The following CAB39L variants were observed in gnomAD, a reference collection of about 807,000 sequenced individuals.
CAB39L encodes calcium-binding protein 39-like.
Under a neutral mutation model 39.1 loss-of-function variants are expected in CAB39L, and 23 were observed. The observed-to-expected ratio is 0.59, with a 90% confidence interval of 0.42 to 0.83. The LOEUF (loss-of-function observed/expected upper bound fraction) is 0.83, where lower values mean the gene tolerates loss of function less well. Among genes scored for constraint, CAB39L ranks in the 40% least tolerant of loss-of-function variants. The pLI is 0.00. For synonymous variants in CAB39L, 126 were observed against 137.2 expected (o/e 0.92, Z 0.57); for missense variants, 366 against 391.9 (o/e 0.93, Z 0.56).
At chr13:49,423,376 A>T (rs1209397660) in intron 3 of CAB39L, among the ~76,000 whole-genome samples, 1 of 152,184 alleles carries the variant, frequency 6.6e-6, no homozygotes, top group Non-Finnish European at 1.5e-5. Flanking sequence ...CTGGAAGCCT[A>T]ACTCTAGTGA....
At chr13:49,352,299 A>G (rs940602586) in intron 6 of CAB39L, among the ~76,000 whole-genome samples, 1 of 152,140 alleles carries the variant, frequency 6.6e-6, no homozygotes, top group Non-Finnish European at 1.5e-5. Context: ...CCAGTGTGTG[A>G]TAAGATTTCA....
intron 3 of CAB39L, among the ~76,000 whole-genome samples, chr13:49,390,066 A>T (rs551060892): frequency 6.6e-6 from 1 of 151,914 alleles, no homozygotes; most frequent in Non-Finnish European, 1.5e-5. Flanking sequence ...TTTTAATTTT[A>T]TGTAGAGACA....
At chr13:49,398,852 T>C (rs1424022979) in intron 3 of CAB39L, among the ~76,000 whole-genome samples, 1 of 152,082 alleles carries the variant, frequency 6.6e-6, no homozygotes, top group African/African-American at 2.4e-5. Flanking sequence ...GAGTTAAAGT[T>C]GACACCTGAC....
chr13:49,379,554 A>G (rs1956207771), intron 4 of CAB39L, among the ~76,000 whole-genome samples: 1 of 48,044 alleles, frequency 2.1e-5, no homozygotes, highest in Admixed American at 1.8e-4. Context: ...GGACACAAAC[A>G]CTGCGGAAGG....
chr13:49,330,116 T>C (rs1954646841), intron 10 of CAB39L, among the ~76,000 whole-genome samples: 1 of 152,194 alleles, frequency 6.6e-6, no homozygotes, highest in Admixed American at 6.5e-5. Context: ...CCACCTGGAC[T>C]GGGACCCAAG....
intron 10 of CAB39L, among the ~76,000 whole-genome samples, chr13:49,329,543 AAATATATATATATATAT>A (rs1369419282): frequency 0.018 from 606 of 33,416 alleles, 40 homozygotes; most frequent in Non-Finnish European, 0.023. Flanking sequence ...TTAAAAAAAA[AAATATATATATATATAT>A]ATATATATAT....
At chr13:49,442,809 A>C (rs1454579938) in intron 1 of CAB39L, among the ~76,000 whole-genome samples, 76 of 149,582 alleles carry the variant, frequency 5.1e-4, no homozygotes, top group African/African-American at 1.7e-3. Flanking sequence ...AAAAAAAAAA[A>C]AAAAAAAAAA....
In CAB39L at chr13:49,391,947, T is replaced by TCACA. The variant is rs60571092; in HGVS notation, c.-31-9010_-31-9007dup. Among the ~76,000 whole-genome samples the TCACA allele has an allele frequency of 4.3e-3, 646 of 149,288 alleles. 3 individuals are homozygous for TCACA. Among genetic ancestry groups the TCACA allele is most frequent in the African/African-American group, 0.013 (520 of 40,828 alleles). On this transcript the variant is annotated intron_variant, in intron 3 of 10. Transcript: ENST00000409308. The stretch of plus-strand genomic sequence containing the variant: ...AGACTCTCAAACTCTCAAATTGGGT[T>TCACA]CACACACACACACACACACACACAT...
chr13:49,335,712 A>C (rs1480123727), intron 9 of CAB39L, among the ~76,000 whole-genome samples: 1 of 152,214 alleles, frequency 6.6e-6, no homozygotes, highest in African/African-American at 2.4e-5. Flanking sequence ...TTTGAATTAT[A>C]ATCTTTCTTG....
At chr13:49,429,270 T>A (rs1957285639) in intron 3 of CAB39L, among the ~76,000 whole-genome samples, 1 of 152,162 alleles carries the variant, frequency 6.6e-6, no homozygotes, top group Admixed American at 6.5e-5. Context: ...TTTTTAAAAT[T>A]TTTTTAGAGA....
At chr13:49,334,233 C>G (rs998910407) in intron 9 of CAB39L, among the ~76,000 whole-genome samples, 6 of 152,226 alleles carry the variant, frequency 3.9e-5, no homozygotes, top group Admixed American at 2.6e-4. Context: ...CCATTCTGCA[C>G]ATTTTGTCAA....
chr13:49,417,336 T>C (rs983471134), intron 3 of CAB39L, among the ~76,000 whole-genome samples: 10 of 152,316 alleles, frequency 6.6e-5, no homozygotes, highest in African/African-American at 2.4e-4. Context: ...CCTATTTGTA[T>C]CATCTGCCTA....
chr13:49,375,976 G>A (rs988513606), intron 5 of CAB39L, among the ~76,000 whole-genome samples: 3 of 152,140 alleles, frequency 2.0e-5, no homozygotes, highest in Admixed American at 6.5e-5. Context: ...TGGACTGCAC[G>A]CCTCCTGGCT....
chr13:49,385,037 G>T (rs1381033533), intron 3 of CAB39L, among the ~76,000 whole-genome samples: 1 of 152,198 alleles, frequency 6.6e-6, no homozygotes, highest in Non-Finnish European at 1.5e-5. Context: ...GCCAGGCACT[G>T]ACTCCTCCTT....
Position 49,417,737 on chromosome 13 carries a change from T to C in CAB39L, c.-32+15581A>G, listed in dbSNP as rs1350367778. Among the ~76,000 whole-genome samples the C allele has an allele frequency of 3.9e-5, 6 of 152,134 alleles. No homozygotes were observed. In the East Asian group the frequency reaches 1.2e-3, roughly 29 times the overall value. On this transcript the variant is annotated intron_variant, in intron 3 of 10. Coordinates refer to ENST00000409308, the MANE Select transcript of CAB39L (RefSeq NM_001079670.3). ...GAAATAAAACTGTAATAGCCTCTTA[T>C]GTTTTCCCCAAGAAGTTTTCAGCAG...
chr13:49,313,150 C>T (rs533029925), intron 10 of CAB39L, among the ~76,000 whole-genome samples: 1 of 152,266 alleles, frequency 6.6e-6, no homozygotes, highest in African/African-American at 2.4e-5. Flanking sequence ...TGGAGGTCAC[C>T]AATGTCACTG....
At chr13:49,426,825 A>G (rs185945146) in intron 3 of CAB39L, among the ~76,000 whole-genome samples, 309 of 152,304 alleles carry the variant, frequency 2.0e-3, no homozygotes, top group Non-Finnish European at 3.0e-3. Context: ...GCACTGCAGC[A>G]TTACTATACG....
intron 3 of CAB39L, among the ~76,000 whole-genome samples, chr13:49,406,503 T>C (rs116209608): frequency 0.036 from 5,442 of 151,918 alleles, 189 homozygotes; most frequent in South Asian, 0.091. Flanking sequence ...ACACAAAAAA[T>C]TGACGAATAG....
chr13:49,380,338 C>A (rs1296328597), intron 4 of CAB39L, among the ~76,000 whole-genome samples: 1 of 152,162 alleles, frequency 6.6e-6, no homozygotes, highest in Non-Finnish European at 1.5e-5. Flanking sequence ...TGTAAATTGT[C>A]AAAACTCATA....
Sources: gnomAD v4.1 joint callset for allele counts (sites outside exome capture counted in the v4.1 genomes callset) on GRCh38, gnomAD v4.1.1 for gene constraint, MANE v1.5 for transcripts, NCBI Gene and HGNC (gene_info 2026-07-23, HGNC 2026-07-21) for gene names.